The following CSMD1 variants were observed in gnomAD, a reference collection of about 807,000 sequenced individuals.
The protein encoded by CSMD1 is CUB and Sushi multiple domains 1.
Under a neutral mutation model 417.5 loss-of-function variants are expected in CSMD1, and 213 were observed. The ratio of observed to expected loss-of-function variants is 0.51; its 90% CI spans 0.46 to 0.57. The LOEUF is 0.57. Among genes scored for constraint, CSMD1 ranks in the 20% least tolerant of loss-of-function variants. The pLI is 0.00. For missense variants in CSMD1, 6,923 were observed against 4,529.7 expected (o/e 1.53, Z -15.17); for synonymous variants, 2,862 against 1,736.8 (o/e 1.65, Z -16.11).
intron 3 of CSMD1, among the ~76,000 whole-genome samples, chr8:4,051,949 G>C (rs1446034153): frequency 7.0e-6 from 1 of 141,926 alleles, no homozygotes; most frequent in South Asian, 2.2e-4. Context: ...TTTCTTGACA[G>C]AGTTTCACTC....
chr8:3,575,348 G>A (rs1261616420), intron 9 of CSMD1, among the ~76,000 whole-genome samples: 1 of 152,074 alleles, frequency 6.6e-6, no homozygotes, highest in African/African-American at 2.4e-5. Context: ...AGCCTCATGT[G>A]CAATGTCAAT....
At chr8:4,314,226 A>G (rs1278070255) in intron 3 of CSMD1, among the ~76,000 whole-genome samples, 1 of 152,034 alleles carries the variant, frequency 6.6e-6, no homozygotes, top group Non-Finnish European at 1.5e-5. Flanking sequence ...TTAATAGTTA[A>G]GTCACAACAC....
intron 65 of CSMD1, among the ~76,000 whole-genome samples, chr8:2,952,252 G>C (rs1015503347): frequency 2.0e-5 from 3 of 152,164 alleles, no homozygotes; most frequent in East Asian, 1.9e-4. Flanking sequence ...TGAGTTGCTA[G>C]GTGGAAATGA....
chr8:4,073,406 G>A (rs753338260), intron 3 of CSMD1, among the ~76,000 whole-genome samples: 5 of 152,066 alleles, frequency 3.3e-5, no homozygotes, highest in African/African-American at 2.4e-5. Context: ...TTTAGAAGAA[G>A]CTGAGGGAAA....
chr8:2,988,564 C>G (rs2128945755), intron 54 of CSMD1, among the ~76,000 whole-genome samples: 1 of 152,186 alleles, frequency 6.6e-6, no homozygotes, highest in South Asian at 2.1e-4. Flanking sequence ...AAATATGGGC[C>G]TCCAGGAGAG....
At chr8:4,289,126 ACT>A (rs1563395678) in intron 3 of CSMD1, among the ~76,000 whole-genome samples, 2 of 152,304 alleles carry the variant, frequency 1.3e-5, no homozygotes, top group Middle Eastern at 3.4e-3. Flanking sequence ...AAATGAATTA[ACT>A]AGTTACAGTT....
At chr8:3,617,627 T>C (rs1347888695) in intron 7 of CSMD1, among the ~76,000 whole-genome samples, 1 of 152,184 alleles carries the variant, frequency 6.6e-6, no homozygotes, top group Non-Finnish European at 1.5e-5. Context: ...GTGTCCAGGT[T>C]TCAAATGTAG....
intron 2 of CSMD1, among the ~76,000 whole-genome samples, chr8:4,580,784 G>A (rs961877851): frequency 2.0e-5 from 3 of 152,168 alleles, no homozygotes; most frequent in Non-Finnish European, 4.4e-5. Flanking sequence ...ATTTCCTTAT[G>A]ATAGTGTTAA....
At chr8:3,077,903 G>C (rs1049137563) in intron 49 of CSMD1, among the ~76,000 whole-genome samples, 1 of 152,200 alleles carries the variant, frequency 6.6e-6, no homozygotes, top group Non-Finnish European at 1.5e-5. Flanking sequence ...TACTGATTTA[G>C]GAGCTGTCAT....
In CSMD1 at chr8:4,166,579, A is replaced by T. The variant is rs192550494; in HGVS notation, c.416-134480T>A. 1.8e-3 allele frequency among the ~76,000 whole-genome samples: 267 copies of T among 152,288 alleles called. 2 individuals carry two copies. Among genetic ancestry groups the T allele is most frequent in the African/African-American group, 6.3e-3 (261 of 41,568 alleles). ...ATGAGGATACAAAGGCATGAGAATG[A>T]TATAATGGACTTTGGGGACTCACGG... On this transcript the variant is annotated intron_variant, in intron 3 of 69. Coordinates refer to ENST00000635120, the MANE Select transcript of CSMD1 (RefSeq NM_033225.6).
chr8:4,840,596 T>C (rs762632741), intron 1 of CSMD1, among the ~76,000 whole-genome samples: 9 of 152,048 alleles, frequency 5.9e-5, no homozygotes, highest in Admixed American at 3.3e-4. Flanking sequence ...TGTAAGAAAA[T>C]ATAGCTTAAC....
intron 5 of CSMD1, among the ~76,000 whole-genome samples, chr8:3,988,291 C>T (rs1814487699): frequency 6.6e-6 from 1 of 152,138 alleles, no homozygotes; most frequent in Non-Finnish European, 1.5e-5. Context: ...ATAAACATCA[C>T]ACAGGATTTC....
rs181874106 is a variant in CSMD1, at chr8:3,835,356, G to A, written c.819-81314C>T. ...ACGACAGACTGGATTAAGAAACTGTGGTCCATATACACCATGGAATACTAC... is the reference window on the plus strand; with the variant it reads ...ACGACAGACTGGATTAAGAAACTGTAGTCCATATACACCATGGAATACTAC... On this transcript the variant is annotated intron_variant, in intron 5 of 69. Coordinates refer to ENST00000635120, the MANE Select transcript of CSMD1 (RefSeq NM_033225.6). Among the ~76,000 whole-genome samples, 29 of 152,186 alleles carry A rather than the reference G, an allele frequency of 1.9e-4. No homozygotes were observed. The East Asian group carries it at 4.8e-3, about 25-fold the overall frequency.
chr8:4,596,846 G>T (rs1299635461), intron 2 of CSMD1, among the ~76,000 whole-genome samples: 1 of 152,174 alleles, frequency 6.6e-6, no homozygotes, highest in African/African-American at 2.4e-5. Flanking sequence ...GGAGGTAATT[G>T]AATCATGGGG....
chr8:4,343,262 A>G lies in CSMD1; in HGVS notation c.415+76691T>C, dbSNP rs111593615. On this transcript the variant is annotated intron_variant, in intron 3 of 69. Coordinates refer to ENST00000635120, the MANE Select transcript of CSMD1 (RefSeq NM_033225.6). ...CACAGACAGGAGGATGGAGGTTGCC[A>G]GTGGTTGTGGGGAAGTGAATATAGA... Among the ~76,000 whole-genome samples the G allele has an allele frequency of 2.6e-3, 393 of 152,234 alleles. 2 individuals carry two copies. Among genetic ancestry groups the G allele is most frequent in the African/African-American group, 8.9e-3 (370 of 41,570 alleles).
intron 26 of CSMD1, among the ~76,000 whole-genome samples, chr8:3,267,366 G>C (rs946362151): frequency 1.3e-5 from 2 of 152,214 alleles, no homozygotes; most frequent in Non-Finnish European, 2.9e-5. Flanking sequence ...TGATGCATTG[G>C]AAGATTTGAA....
chr8:4,141,136 G>A (rs575617318), intron 3 of CSMD1, among the ~76,000 whole-genome samples: 1 of 151,070 alleles, frequency 6.6e-6, no homozygotes, highest in African/African-American at 2.5e-5. Context: ...TCCTCCAAGA[G>A]AGCTCCAATA....
At chr8:3,377,448 A>G (rs1355853737) in intron 18 of CSMD1, among the ~76,000 whole-genome samples, 1 of 152,238 alleles carries the variant, frequency 6.6e-6, no homozygotes, top group Non-Finnish European at 1.5e-5. Flanking sequence ...ACAATAAAGA[A>G]ACAAAATGAA....
At chr8:3,305,656 A>AGTTT (rs1804777407) in intron 25 of CSMD1, among the ~76,000 whole-genome samples, 1 of 152,122 alleles carries the variant, frequency 6.6e-6, no homozygotes, top group African/African-American at 2.4e-5. Flanking sequence ...ACTGTTAAGA[A>AGTTT]ACTAAACTTC....
Sources: gnomAD v4.1 joint callset for allele counts (sites outside exome capture counted in the v4.1 genomes callset) on GRCh38, gnomAD v4.1.1 for gene constraint, MANE v1.5 for transcripts, NCBI Gene and HGNC (gene_info 2026-07-23, HGNC 2026-07-21) for gene names.